Variants in PCDHGB2 observed in about 807,000 individuals in gnomAD.
PCDHGB2 encodes protocadherin gamma-B2.
Under a neutral mutation model 59.3 loss-of-function variants are expected in PCDHGB2, and 55 were observed. That is an observed-to-expected ratio of 0.93 (90% CI 0.75 to 1.16). The LOEUF (loss-of-function observed/expected upper bound fraction) is 1.16, where lower values mean the gene tolerates loss of function less well. PCDHGB2 is among the 50% of genes most tolerant of loss of function. The probability of loss-of-function intolerance (pLI) is 0.00; values close to 1 mark genes in which losing one functional copy is unlikely to be tolerated. For missense variants in PCDHGB2, 1,228 were observed against 1,198.5 expected (o/e 1.02, Z -0.36); for synonymous variants, 516 against 512.0 (o/e 1.01, Z -0.11).
chr5:141,433,987 T>C (rs1332689630), intron 1 of PCDHGB2, among the ~76,000 whole-genome samples: 1 of 152,252 alleles, frequency 6.6e-6, no homozygotes, highest in Non-Finnish European at 1.5e-5. Context: ...GAAGAAGAGT[T>C]TTATATTCTC....
rs562030939 is a variant in PCDHGB2 at position 141,365,175 on chromosome 5, G to T, written c.2421+2619G>T. ...AACGGGAAATTGACCTACTCTTTTC[G>T]CAATGAAGAAGAAAAAATTTCGGAG... On this transcript the variant is annotated intron_variant, in intron 1 of 3. Transcript: ENST00000522605. 7 of 1,613,832 alleles carry T rather than the reference G, an allele frequency of 4.3e-6. No homozygotes were observed. In the African/African-American group the frequency reaches 5.3e-5, roughly 12 times the overall value.
At position 141,399,372 on chromosome 5, in the gene PCDHGB2, T is replaced by A; in HGVS notation, c.2421+36816T>A. The A allele has an allele frequency of 1.2e-6, 2 of 1,613,970 alleles. 1 individual carries two copies. The highest frequency in any genetic ancestry group is 2.2e-5 in the South Asian group (2 of 91,086). On this transcript the variant is annotated intron_variant, in intron 1 of 3. Transcript: ENST00000522605. ...ACCGAGAGCAAACCCCGGAGTACAATGTCACCATCACAGCCACAGACAGGG... is the reference window on the plus strand; with the variant it reads ...ACCGAGAGCAAACCCCGGAGTACAAAGTCACCATCACAGCCACAGACAGGG...
intron 1 of PCDHGB2, among the ~76,000 whole-genome samples, chr5:141,451,924 G>C (rs1337159204): frequency 1.3e-5 from 2 of 152,008 alleles, no homozygotes; most frequent in African/African-American, 4.8e-5. Context: ...AAGGAAGGGA[G>C]GTAGGGAGGC....
At chr5:141,374,299 G>A (rs1588736812) in intron 1 of PCDHGB2, 1 of 1,613,982 alleles carries the variant, frequency 6.2e-7, no homozygotes, top group Non-Finnish European at 8.5e-7. Context: ...GAGGTAGGAT[G>A]CAGCTTTTCT....
At chr5:141,473,501 G>A (rs1053399138) in intron 1 of PCDHGB2, among the ~76,000 whole-genome samples, 2 of 152,188 alleles carry the variant, frequency 1.3e-5, no homozygotes, top group South Asian at 4.1e-4. Context: ...GGTGTTCTGA[G>A]AGAGCATAAC....
Position 141,490,157 on chromosome 5 carries a change from G to T in PCDHGB2, c.2422-4650G>T. 1 of 1,614,210 alleles carries T rather than the reference G, an allele frequency of 6.2e-7. No homozygotes were observed. The highest frequency in any genetic ancestry group is 8.5e-7 in the Non-Finnish European group (1 of 1,180,038). On this transcript the variant is annotated intron_variant, in intron 1 of 3. Transcript: ENST00000522605. This position sits in a 1 kb window ranked among gnomAD's most constrained non-coding sequence, Gnocchi z 5.4. ...AGCAGTGGGGCAATCCATGTGTTGGGTCCCATAGACTTTGAGGAGTCACGT... is the reference window on the plus strand; with the variant it reads ...AGCAGTGGGGCAATCCATGTGTTGGTTCCCATAGACTTTGAGGAGTCACGT...
chr5:141,365,633 G>A (rs920081153), intron 1 of PCDHGB2: 2 of 1,613,410 alleles, frequency 1.2e-6, no homozygotes, highest in Non-Finnish European at 1.7e-6. Context: ...CCTCTCTACA[G>A]AAAGCCACAT....
chr5:141,399,940 C>T lies in PCDHGB2; in HGVS notation c.2421+37384C>T, dbSNP rs374856105. On this transcript the variant is annotated intron_variant, in intron 1 of 3. Transcript: ENST00000522605. Reference sequence around the variant, plus strand: ...CAACGCCTGGCTGTCCTACCACGTGCTGCAGGCTAGCGAGCCCGGGCTCTT... The same window carrying T: ...CAACGCCTGGCTGTCCTACCACGTGTTGCAGGCTAGCGAGCCCGGGCTCTT... 4.8e-4 allele frequency: 772 copies of T among 1,612,360 alleles called. 1 individual carries two copies. In the African/African-American group the frequency reaches 9.6e-3, roughly 20 times the overall value.
At chr5:141,380,361 GA>G (rs980591138) in intron 1 of PCDHGB2, among the ~76,000 whole-genome samples, 1 of 151,502 alleles carries the variant, frequency 6.6e-6, no homozygotes, top group Non-Finnish European at 1.5e-5. Flanking sequence ...TTGTTTTTTA[GA>G]AAAAAAAGTC....
chr5:141,487,608 G>A lies in PCDHGB2; in HGVS notation c.2422-7199G>A, dbSNP rs970411391. On this transcript the variant is annotated intron_variant, in intron 1 of 3. Coordinates refer to ENST00000522605, the MANE Select transcript of PCDHGB2 (RefSeq NM_018923.3). The surrounding 1 kb of genome is among the most constrained non-coding windows in gnomAD (Gnocchi z 5.0). ...TGCCCACCCTCTGATCTTCTCTATG[G>A]GCTAGAGGTGAGACCTTTGCAGGCT... 1 of 1,614,182 alleles carries A rather than the reference G, an allele frequency of 6.2e-7. No individual in the cohort carries two copies. Among genetic ancestry groups the A allele is most frequent in the African/African-American group, 1.3e-5 (1 of 75,050 alleles).
chr5:141,476,180 C>T lies in PCDHGB2; in HGVS notation c.2422-18627C>T. The T allele has an allele frequency of 1.2e-6, 2 of 1,613,664 alleles. No individual in the cohort carries two copies. Among genetic ancestry groups the T allele is most frequent in the East Asian group, 4.5e-5 (2 of 44,838 alleles). On this transcript the variant is annotated intron_variant, in intron 1 of 3. Transcript: ENST00000522605. The surrounding 1 kb of genome is among the most constrained non-coding windows in gnomAD (Gnocchi z 7.6). ...CGGGAGGGTAGTGGGAGTTTTGCTT[C>T]TGCTTGGTGCCTTGAACAAGGCTTC...
intron 1 of PCDHGB2, chr5:141,415,234 A>G: frequency 1.2e-6 from 2 of 1,614,136 alleles, no homozygotes; most frequent in Non-Finnish European, 1.7e-6. Context: ...GTCTCCAGCT[A>G]ACTCTGAAAC....
At chr5:141,412,666 G>C (rs991501719) in intron 1 of PCDHGB2, 3 of 152,120 alleles carry the variant, frequency 2.0e-5, no homozygotes, top group African/African-American at 7.2e-5. Flanking sequence ...ACACTAATAT[G>C]ACCTAAAATA....
chr5:141,414,793 G>A lies in PCDHGB2; in HGVS notation c.2421+52237G>A, dbSNP rs756653393. On this transcript the variant is annotated intron_variant, in intron 1 of 3. Transcript: ENST00000522605. ...GCTACAGATGCAGGTGACAGCCAGCGACAGCGGGGATCCTCCACTCAGCAG... is the reference window on the plus strand; with the variant it reads ...GCTACAGATGCAGGTGACAGCCAGCAACAGCGGGGATCCTCCACTCAGCAG... 2.5e-6 allele frequency: 4 copies of A among 1,614,100 alleles called. No individual in the cohort carries two copies. The African/African-American group carries it at 4.0e-5, about 16-fold the overall frequency.
chr5:141,420,304 T>C, intron 1 of PCDHGB2: 1 of 1,462,822 alleles, frequency 6.8e-7, no homozygotes, highest in African/African-American at 1.4e-5. Context: ...TTTAATCCTT[T>C]TTATATTACA....
intron 3 of PCDHGB2, among the ~76,000 whole-genome samples, chr5:141,507,673 G>A (rs184362608): frequency 6.6e-5 from 10 of 152,368 alleles, no homozygotes; most frequent in Admixed American, 2.6e-4. Context: ...AAATCCAGAT[G>A]TTAAAAACAG....
intron 1 of PCDHGB2, among the ~76,000 whole-genome samples, chr5:141,437,228 A>C (rs1410620126): frequency 6.6e-6 from 1 of 152,228 alleles, no homozygotes; most frequent in Non-Finnish European, 1.5e-5. Context: ...CCAGTCATAA[A>C]ATTATGTCAA....
chr5:141,435,897 A>G (rs1206255678), intron 1 of PCDHGB2, among the ~76,000 whole-genome samples: 2 of 152,166 alleles, frequency 1.3e-5, no homozygotes, highest in East Asian at 1.9e-4. Context: ...TAGAGAATGA[A>G]AGACATCCAA....
chr5:141,487,351 T>A lies in PCDHGB2; in HGVS notation c.2422-7456T>A. 6.2e-7 allele frequency: 1 copy of A among 1,614,210 alleles called. No individual in the cohort carries two copies. The highest frequency in any genetic ancestry group is 8.5e-7 in the Non-Finnish European group (1 of 1,180,038). On this transcript the variant is annotated intron_variant, in intron 1 of 3. Transcript: ENST00000522605. The surrounding 1 kb of genome is among the most constrained non-coding windows in gnomAD (Gnocchi z 5.0). ...GGGCAGCCTGTGGAGTCACATGCTT[T>A]CCTGCTGGCACCTGTGCCTGTCTCA...
Sources: allele counts gnomAD v4.1 joint callset (sites outside exome capture counted in the v4.1 genomes callset), GRCh38; gene constraint gnomAD v4.1.1; non-coding constraint Gnocchi (gnomAD v3.1); transcripts MANE v1.5; gene names NCBI Gene and HGNC (gene_info 2026-07-23, HGNC 2026-07-21).